The following RANBP2 variants were observed in gnomAD, a reference collection of about 807,000 sequenced individuals.
RANBP2 encodes the protein RAN binding protein 2.
A neutral mutation model predicts 303.6 loss-of-function variants in RANBP2; 57 were observed. The ratio of observed to expected loss-of-function variants is 0.19; its 90% CI spans 0.15 to 0.23. The LOEUF (loss-of-function observed/expected upper bound fraction) is 0.23. RANBP2 is among the 10% of genes least tolerant of loss of function. The probability of loss-of-function intolerance (pLI) is 1.00; values close to 1 mark genes in which losing one functional copy is unlikely to be tolerated. For synonymous variants in RANBP2, 1,167 were observed against 1,301.5 expected (o/e 0.90, Z 2.23); for missense variants, 3,138 against 3,780.8 (o/e 0.83, Z 4.46).
At chr2:108,839,122 A>G in the RANBP2 span, 1 of 1,452,626 alleles carries the variant, frequency 6.9e-7, no homozygotes, top group East Asian at 2.4e-5. Context: ...AATTGTGGTA[A>G]TTGATTTAAG....
At chr2:109,564,436 C>T in the RANBP2 span, 1 of 1,599,432 alleles carries the variant, frequency 6.3e-7, no homozygotes. Flanking sequence ...CTGTAAAGCT[C>T]ATAGTGCCTG....
At chr2:109,637,206 G>A in the RANBP2 span, among the ~76,000 whole-genome samples, 1 of 152,238 alleles carries the variant, frequency 6.6e-6, no homozygotes, top group Non-Finnish European at 1.5e-5. Context: ...TCTCAGTGGA[G>A]TAAAGAATAA....
the RANBP2 span, among the ~76,000 whole-genome samples, chr2:109,118,620 T>G: frequency 6.6e-6 from 1 of 151,852 alleles, no homozygotes; most frequent in Non-Finnish European, 1.5e-5. Flanking sequence ...GGTCAGGGTC[T>G]GTGGGCAGAC....
chr2:109,359,197 C>T, the RANBP2 span, among the ~76,000 whole-genome samples: 2 of 152,114 alleles, frequency 1.3e-5, no homozygotes, highest in Non-Finnish European at 2.9e-5. Flanking sequence ...TTTTCAGTCT[C>T]GAAGTCATGT....
At chr2:109,275,068 T>C in the RANBP2 span, among the ~76,000 whole-genome samples, 1 of 152,224 alleles carries the variant, frequency 6.6e-6, no homozygotes, top group African/African-American at 2.4e-5. Flanking sequence ...TTAGAACATC[T>C]CAGAACAGCT....
the RANBP2 span, among the ~76,000 whole-genome samples, chr2:109,572,058 T>C: frequency 6.6e-6 from 1 of 152,238 alleles, no homozygotes; most frequent in Non-Finnish European, 1.5e-5. Flanking sequence ...GGCATTGTAC[T>C]AAATGCTTCG....
At chr2:108,732,367 A>G (rs765880025) in intron 4 of RANBP2, among the ~76,000 whole-genome samples, 1 of 152,132 alleles carries the variant, frequency 6.6e-6, no homozygotes, top group Non-Finnish European at 1.5e-5. Flanking sequence ...GAGCACTGAC[A>G]TGATGCTCAA....
At chr2:108,858,433 C>G in the RANBP2 span, among the ~76,000 whole-genome samples, 1 of 152,120 alleles carries the variant, frequency 6.6e-6, no homozygotes, top group Admixed American at 6.6e-5. Flanking sequence ...GTGATCACTA[C>G]TAAAGCCGTA....
the RANBP2 span, among the ~76,000 whole-genome samples, chr2:109,663,575 T>A: frequency 7.9e-5 from 12 of 152,336 alleles, no homozygotes; most frequent in African/African-American, 2.6e-4. Flanking sequence ...GAGATCATCA[T>A]TTTAAATTCC....
chr2:109,472,092 A>G, the RANBP2 span, among the ~76,000 whole-genome samples: 3 of 152,192 alleles, frequency 2.0e-5, no homozygotes, highest in South Asian at 6.2e-4. Context: ...TTTTCTAATT[A>G]TTAATTAGAT....
chr2:108,875,979 A>T, the RANBP2 span: 1 of 655,942 alleles, frequency 1.5e-6, no homozygotes, highest in Non-Finnish European at 2.5e-6. Context: ...CACTGTTTTT[A>T]AAAACAGATG....
chr2:109,113,466 AT>A, the RANBP2 span, among the ~76,000 whole-genome samples: 3 of 152,092 alleles, frequency 2.0e-5, no homozygotes, highest in Admixed American at 6.6e-5. Context: ...AATGCTTGTG[AT>A]TTTTGTACAT....
chr2:109,247,669 GT>G, the RANBP2 span, among the ~76,000 whole-genome samples: 1 of 152,212 alleles, frequency 6.6e-6, no homozygotes, highest in East Asian at 1.9e-4. Context: ...TCCTTTGTTA[GT>G]TTCTGATTGC....
At chr2:109,473,533 G>A in the RANBP2 span, among the ~76,000 whole-genome samples, 1 of 152,226 alleles carries the variant, frequency 6.6e-6, no homozygotes, top group Non-Finnish European at 1.5e-5. Context: ...GGGTTAGAGC[G>A]ACAGAGAGGA....
the RANBP2 span, among the ~76,000 whole-genome samples, chr2:108,911,545 G>A: frequency 6.6e-6 from 1 of 152,192 alleles, no homozygotes; most frequent in Non-Finnish European, 1.5e-5. Flanking sequence ...CATTGTAAGA[G>A]CCCCAGGGCA....
At chr2:109,404,423 A>G in the RANBP2 span, among the ~76,000 whole-genome samples, 3 of 152,218 alleles carry the variant, frequency 2.0e-5, no homozygotes, top group East Asian at 3.9e-4. Flanking sequence ...GGGAAATGCT[A>G]CAAGTTCGAG....
chr2:109,679,109 T>A, the RANBP2 span, among the ~76,000 whole-genome samples: 2 of 152,276 alleles, frequency 1.3e-5, no homozygotes, highest in Admixed American at 1.3e-4. Flanking sequence ...TACGAACAAT[T>A]AGCTCTTCAG....
the RANBP2 span, among the ~76,000 whole-genome samples, chr2:109,646,657 A>ATTTTTTTTTT: frequency 1.2e-4 from 14 of 119,010 alleles, no homozygotes; most frequent in African/African-American, 2.5e-4. Flanking sequence ...ATGACTGGCT[A>ATTTTTTTTTT]TTTTTTTTTT....
the RANBP2 span, among the ~76,000 whole-genome samples, chr2:108,892,407 T>C: frequency 1.3e-5 from 2 of 152,162 alleles, no homozygotes; most frequent in Non-Finnish European, 2.9e-5. Context: ...CTTGTTTGTT[T>C]CTTAGCCCTG....
Sources: allele counts gnomAD v4.1 joint callset (sites outside exome capture counted in the v4.1 genomes callset), GRCh38; gene constraint gnomAD v4.1.1; transcripts MANE v1.5; gene names NCBI Gene and HGNC (gene_info 2026-07-23, HGNC 2026-07-21).